Variants in MAN2B2 observed in about 807,000 individuals in gnomAD.
MAN2B2 encodes the protein mannosidase alpha class 2B member 2.
A neutral mutation model predicts 117.1 loss-of-function variants in MAN2B2; 106 were observed. The ratio of observed to expected loss-of-function variants is 0.90; its 90% confidence interval spans 0.77 to 1.06. The LOEUF is 1.06. Among genes scored for constraint, MAN2B2 ranks in the 50% least tolerant of loss-of-function variants. The pLI is 0.00. For missense variants in MAN2B2, 1,326 were observed against 1,381.4 expected, an observed-to-expected ratio of 0.96 and a Z score of 0.64; for synonymous variants, 544 against 595.1, an observed-to-expected ratio of 0.91 and a Z score of 1.25.
chr4:6,619,838 G>A (rs957235575), intron 17 of MAN2B2, 89 bp from the exon 18 acceptor site: 26 of 1,164,890 alleles, frequency 2.2e-5, no homozygotes, highest in African/African-American at 7.5e-5. Flanking sequence ...CACCGAGTTC[G>A]TGGTGTGTCT....
At chr4:6,590,849 A>G (rs1409409618) in intron 5 of MAN2B2, among the ~76,000 whole-genome samples, 2 of 152,106 alleles carry the variant, frequency 1.3e-5, no homozygotes, top group Non-Finnish European at 2.9e-5. Context: ...AGGGATCACA[A>G]TGAAGAAGGC....
chr4:6,595,871 G>A (rs1727056830), intron 7 of MAN2B2, among the ~76,000 whole-genome samples: 1 of 152,250 alleles, frequency 6.6e-6, no homozygotes, highest in African/African-American at 2.4e-5. Context: ...CTCTGGGTCT[G>A]CATGGTGACC....
In MAN2B2 at chr4:6,613,892, G is replaced by C. The variant is rs1009609451; in HGVS notation, c.2564-326G>C. Among the ~76,000 whole-genome samples, 4 of 152,260 alleles carry C rather than the reference G, an allele frequency of 2.6e-5. No homozygotes were observed. In the South Asian group the frequency reaches 8.3e-4, roughly 32 times the overall value. ...GAAGGAAGAAAGGAGAGAGAGAGGA[G>C]AGGGCTGTGCCTGAACTTGCCTTGT... On this transcript the variant is annotated intron_variant, in intron 15 of 18. Coordinates refer to ENST00000285599, the MANE Select transcript of MAN2B2 (RefSeq NM_015274.3).
intron 16 of MAN2B2, 52 bp from the exon 17 acceptor site, chr4:6,617,328 T>C (rs908072584): frequency 8.2e-5 from 114 of 1,390,802 alleles, no homozygotes; most frequent in African/African-American, 2.1e-4. Flanking sequence ...ACCAGGGACA[T>C]TGGGGTTGGT....
intron 3 of MAN2B2, among the ~76,000 whole-genome samples, chr4:6,586,193 C>G (rs1359463822): frequency 2.0e-5 from 3 of 152,072 alleles, no homozygotes; most frequent in Non-Finnish European, 2.9e-5. Flanking sequence ...GGACTACAGG[C>G]ATGTGCCACC....
chr4:6,621,225 C>A lies in MAN2B2; in HGVS notation c.2970C>A (p.Pro990=), dbSNP rs775504447. The A allele has an allele frequency of 6.2e-7, 1 of 1,614,002 alleles. No individual in the cohort carries two copies. Among genetic ancestry groups the A allele is most frequent in the East Asian group, 2.2e-5 (1 of 44,868 alleles). ...CTCCCTCGAGGCCACCAGGAGGCCC[C>A]ATCATCACCGTCCACCCAAAGGAAA... ...TTSPSRPPGG[P]IITVHPKEIR... The change falls in exon 19 of 19, where the codon CCC becomes CCA. Residue 990 remains proline (P), a synonymous_variant. Transcript: ENST00000285599.
At chr4:6,583,269 T>C (rs1726507910) in intron 3 of MAN2B2, among the ~76,000 whole-genome samples, 1 of 152,212 alleles carries the variant, frequency 6.6e-6, no homozygotes, top group African/African-American at 2.4e-5. Flanking sequence ...CTCCCTCAAC[T>C]GCAGGGACTG....
intron 3 of MAN2B2, among the ~76,000 whole-genome samples, chr4:6,579,043 CACCACCATCACCACCACCATCACCAT>C: frequency 6.9e-5 from 7 of 101,232 alleles, no homozygotes; most frequent in African/African-American, 3.8e-4. Flanking sequence ...CTACCACCAT[CACCACCATCACCACCACCATCACCAT>C]CACCACCACC....
intron 16 of MAN2B2, 46 bp downstream of exon 16, chr4:6,614,401 A>G: frequency 6.3e-7 from 1 of 1,599,854 alleles, no homozygotes; most frequent in Non-Finnish European, 8.5e-7. Flanking sequence ...TCCCTCCCTG[A>G]GTCAAACAGG....
At chr4:6,606,623 CTT>C (rs1727556469) in intron 11 of MAN2B2, among the ~76,000 whole-genome samples, 1 of 152,234 alleles carries the variant, frequency 6.6e-6, no homozygotes, top group Non-Finnish European at 1.5e-5. Flanking sequence ...GTCTGTCTCT[CTT>C]GTTTTGAACT....
chr4:6,579,310 C>CCACCACCACCACCACCACCAT (rs1726303542), intron 3 of MAN2B2, among the ~76,000 whole-genome samples: 1 of 72,686 alleles, frequency 1.4e-5, no homozygotes, highest in Admixed American at 1.4e-4. Context: ...ATCACCACCA[C>CCACCACCACCACCACCACCAT]CACCACCATC....
In MAN2B2 at chr4:6,610,828, C is replaced by A. The variant is rs547835246; in HGVS notation, c.2260-52C>A. On this transcript the variant is annotated intron_variant, in intron 13 of 18. Transcript: ENST00000285599. ...GGGGTGGCCAGAGGGTGATGCCTGA[C>A]CTACCTTGCCCTTTGCCCCAATCGC... 4 of 1,526,524 alleles carry A rather than the reference C, an allele frequency of 2.6e-6. No homozygotes were observed. The East Asian group carries it at 6.8e-5, about 26-fold the overall frequency. 94.6% of individuals were successfully genotyped at this position (1,526,524 alleles called of 1,614,324 possible).
intron 2 of MAN2B2, 77 bp from the exon 3 acceptor site, chr4:6,578,316 G>C: frequency 9.4e-6 from 10 of 1,061,544 alleles, no homozygotes; most frequent in Admixed American, 2.0e-5. Flanking sequence ...GTGTGGCGCT[G>C]TAGGTGTGTT....
At chr4:6,616,728 C>T (rs765561773) in intron 16 of MAN2B2, among the ~76,000 whole-genome samples, 4 of 151,972 alleles carry the variant, frequency 2.6e-5, no homozygotes, top group African/African-American at 4.8e-5. Context: ...CAACAGTGGA[C>T]GAGGATGGAA....
At position 6,587,120 on chromosome 4, in the gene MAN2B2, C is replaced by T. The variant is rs775761082; in HGVS notation, c.516C>T (p.Leu172=). The T allele has an allele frequency of 1.2e-5, 19 of 1,613,888 alleles. No individual in the cohort carries two copies. The highest frequency in any genetic ancestry group is 1.7e-4 in the Middle Eastern group (1 of 6,058). The stretch of plus-strand genomic sequence containing the variant: ...CGCTGGCGGGCTTCAATGCCCACCT[C>T]GGCTCCCGGATCGACTACGACCTGA... ...LFALAGFNAH[L]GSRIDYDLKA... is the part of the protein sequence containing the mutation. The change falls in exon 4 of 19, where the codon CTC becomes CTT. Residue 172 remains leucine, a synonymous_variant. Transcript: ENST00000285599.
chr4:6,607,812 T>A (rs999698127), intron 11 of MAN2B2, among the ~76,000 whole-genome samples: 9 of 152,108 alleles, frequency 5.9e-5, no homozygotes, highest in African/African-American at 2.2e-4. Context: ...TGCCCGACCG[T>A]TTTCCAAAGC....
chr4:6,579,090 CCATCACCAG>C (rs1560634336), intron 3 of MAN2B2, among the ~76,000 whole-genome samples: 8 of 66,042 alleles, frequency 1.2e-4, no homozygotes, highest in East Asian at 1.1e-3. Flanking sequence ...ACCACCATCA[CCATCACCAG>C]CACCACCACC....
intron 16 of MAN2B2, among the ~76,000 whole-genome samples, chr4:6,614,705 C>T (rs766685802): frequency 1.3e-5 from 2 of 152,238 alleles, no homozygotes; most frequent in Non-Finnish European, 2.9e-5. Flanking sequence ...CTCCTGGAGC[C>T]CCCAAACACC....
chr4:6,584,519 T>C (rs1334269269), intron 3 of MAN2B2, among the ~76,000 whole-genome samples: 5 of 152,238 alleles, frequency 3.3e-5, no homozygotes, highest in African/African-American at 1.2e-4. Flanking sequence ...AGTTCATGGC[T>C]CCACTAAGGG....
Sources: allele counts gnomAD v4.1 joint callset (sites outside exome capture counted in the v4.1 genomes callset), GRCh38; gene constraint gnomAD v4.1.1; transcripts MANE v1.5; gene names NCBI Gene and HGNC (gene_info 2026-07-23, HGNC 2026-07-21).